The following ZNF892 variants were observed in gnomAD, a reference collection of about 807,000 sequenced individuals.
ZNF892 encodes zinc finger protein 570-like.
chr2:95,255,699 A>G, the ZNF892 span, among the ~76,000 whole-genome samples: 1 of 152,034 alleles, frequency 6.6e-6, no homozygotes, highest in Admixed American at 6.6e-5. Flanking sequence ...TCCCATTATT[A>G]TTGTGTGGGA....
chr2:95,250,349 G>A, the ZNF892 span, among the ~76,000 whole-genome samples: 13 of 151,752 alleles, frequency 8.6e-5, no homozygotes, highest in South Asian at 2.1e-4. Flanking sequence ...CTCAAGACAC[G>A]CCTGATTTAA....
chr2:95,210,713 C>T, the ZNF892 span, among the ~76,000 whole-genome samples: 1 of 152,080 alleles, frequency 6.6e-6, no homozygotes, highest in African/African-American at 2.4e-5. Context: ...TGCTCTGTGC[C>T]AAGTACTAGG....
chr2:95,253,093 A>G, the ZNF892 span, among the ~76,000 whole-genome samples: 1 of 152,208 alleles, frequency 6.6e-6, no homozygotes, highest in Non-Finnish European at 1.5e-5. Context: ...TAGTTTAATT[A>G]GATCCCATTT....
At chr2:95,262,208 G>A in the ZNF892 span, among the ~76,000 whole-genome samples, 658 of 152,228 alleles carry the variant, frequency 4.3e-3, 1 homozygote, top group Non-Finnish European at 8.1e-3. Context: ...GAGAAGTGAG[G>A]GAGAACAGCC....
At chr2:95,259,158 T>C in the ZNF892 span, 1 of 152,302 alleles carries the variant, frequency 6.6e-6, no homozygotes, top group South Asian at 2.1e-4. Flanking sequence ...TGGGAGTTTT[T>C]GTCTCCTGTT....
chr2:95,250,650 CTATTCATAAATTATAAATTTATA>C, the ZNF892 span, among the ~76,000 whole-genome samples: 1 of 123,482 alleles, frequency 8.1e-6, no homozygotes, highest in African/African-American at 2.9e-5. Flanking sequence ...TAAATATAAA[CTATTCATAAATTATAAATTTATA>C]AATATAAACT....
the ZNF892 span, among the ~76,000 whole-genome samples, chr2:95,232,904 G>C: frequency 2.9e-5 from 2 of 68,646 alleles, no homozygotes; most frequent in African/African-American, 1.3e-4. Flanking sequence ...ACACATAATG[G>C]GTACTAAGTA....
the ZNF892 span, among the ~76,000 whole-genome samples, chr2:95,240,952 G>C: frequency 1.3e-5 from 2 of 152,244 alleles, no homozygotes; most frequent in African/African-American, 4.8e-5. Flanking sequence ...CCTCCCTGCA[G>C]GGGCTTTAGC....
chr2:95,209,126 TGAAA>T, the ZNF892 span, among the ~76,000 whole-genome samples: 6 of 152,216 alleles, frequency 3.9e-5, no homozygotes, highest in Non-Finnish European at 4.4e-5. Context: ...TGAAAGTCTC[TGAAA>T]GAGTTTTTTT....
chr2:95,220,076 G>A, the ZNF892 span, among the ~76,000 whole-genome samples: 10 of 152,140 alleles, frequency 6.6e-5, no homozygotes, highest in East Asian at 1.9e-4. Context: ...TAGGGGGGAC[G>A]CTGCCAGGGC....
At chr2:95,210,175 G>A in the ZNF892 span, among the ~76,000 whole-genome samples, 1 of 148,544 alleles carries the variant, frequency 6.7e-6, no homozygotes, top group Non-Finnish European at 1.5e-5. Context: ...ATGTATATAT[G>A]TGTATATATG....
chr2:95,230,956 C>T, the ZNF892 span, among the ~76,000 whole-genome samples: 1 of 152,118 alleles, frequency 6.6e-6, no homozygotes, highest in Non-Finnish European at 1.5e-5. Flanking sequence ...GGACCCCTTC[C>T]AACCTAAAAA....
chr2:95,214,301 GA>G, the ZNF892 span: 1 of 398,272 alleles, frequency 2.5e-6, no homozygotes, highest in Non-Finnish European at 4.4e-6. Flanking sequence ...CTCAGTGTAG[GA>G]AATGATACAC....
the ZNF892 span, among the ~76,000 whole-genome samples, chr2:95,219,003 TTTTG>T: frequency 0.011 from 1,727 of 152,248 alleles, 32 homozygotes; most frequent in African/African-American, 0.039. Flanking sequence ...ATTTTCTTTT[TTTTG>T]TTTGTTTGTT....
At chr2:95,233,231 A>G in the ZNF892 span, among the ~76,000 whole-genome samples, 1 of 147,064 alleles carries the variant, frequency 6.8e-6, no homozygotes, top group Admixed American at 6.8e-5. Context: ...GCAGATTCTC[A>G]CTCTGTCGCC....
At chr2:95,219,398 T>C in the ZNF892 span, among the ~76,000 whole-genome samples, 7 of 152,192 alleles carry the variant, frequency 4.6e-5, no homozygotes, top group Non-Finnish European at 1.0e-4. Context: ...TTTATTTCAG[T>C]TATTGTATTT....
At chr2:95,242,022 A>G in the ZNF892 span, among the ~76,000 whole-genome samples, 2 of 152,226 alleles carry the variant, frequency 1.3e-5, no homozygotes, top group African/African-American at 4.8e-5. Context: ...GTTACGACTG[A>G]TTGGGGTACC....
At chr2:95,225,963 CAG>C in the ZNF892 span, among the ~76,000 whole-genome samples, 3 of 152,224 alleles carry the variant, frequency 2.0e-5, no homozygotes, top group Non-Finnish European at 4.4e-5. Context: ...TCAGTTCACA[CAG>C]AAGCTCTCAT....
chr2:95,211,089 T>C, the ZNF892 span, among the ~76,000 whole-genome samples: 2 of 152,176 alleles, frequency 1.3e-5, no homozygotes, highest in Non-Finnish European at 2.9e-5. Flanking sequence ...ACTTTCATAA[T>C]CATTTGGGCT....
Sources: allele counts gnomAD v4.1 joint callset (sites outside exome capture counted in the v4.1 genomes callset), GRCh38; gene constraint gnomAD v4.1.1; transcripts MANE v1.5; gene names NCBI Gene and HGNC (gene_info 2026-07-23, HGNC 2026-07-21).